UTP20: variants seen among roughly 807,000 people sequenced by gnomAD.
UTP20 encodes the protein small subunit processome component 20 homolog.
UTP20 carries 164 observed loss-of-function variants against 329.5 expected under a neutral mutation model. The observed-to-expected ratio is 0.50, with a 90% CI of 0.44 to 0.57. The LOEUF (loss-of-function observed/expected upper bound fraction) is 0.57. Ranked by LOEUF, UTP20 falls within the 20% of genes least tolerant of loss-of-function variation. UTP20 has a pLI of 0.00. For synonymous variants in UTP20, 1,151 were observed against 1,159.3 expected (o/e 0.99, Z 0.14); for missense variants, 3,055 against 3,284.2 (o/e 0.93, Z 1.71).
intron 1 of UTP20, 150 bp downstream of exon 1, chr12:101,280,477 A>G (rs1188843653): frequency 3.1e-6 from 3 of 982,264 alleles, no homozygotes; most frequent in South Asian, 1.6e-5. Context: ...CACTGGATGT[A>G]GTAAACATGG....
rs759340911 is a variant in UTP20 at position 101,329,333 on chromosome 12, C to T, written c.3301C>T (p.Leu1101Phe). Residue 1101 changes from leucine to phenylalanine, a missense_variant, in exon 27 of 62, where the codon CTT (leucine) becomes TTT (phenylalanine). By Grantham distance (22) the Leu-to-Phe change is conservative (BLOSUM62 0). This residue lies in a region of UTP20 where 2,445 missense variants were observed against 2,575.5 expected (regional missense o/e 0.95). Coordinates refer to ENST00000261637, the MANE Select transcript of UTP20 (RefSeq NM_014503.3). ...LGRQHGILNS[L>F]EIVLKNISHL... ...TCGTCAGCACGGTATCTTAAACAGC[C>T]TTGAGATAGTATTGAAAAACATTAG... 9.9e-6 allele frequency: 16 copies of T among 1,613,954 alleles called. No individual in the cohort carries two copies. The highest frequency in any genetic ancestry group is 3.3e-4 in the Middle Eastern group (2 of 6,082).
chr12:101,377,920 C>T (rs1412820954), intron 56 of UTP20, among the ~76,000 whole-genome samples: 1 of 152,260 alleles, frequency 6.6e-6, no homozygotes, highest in Non-Finnish European at 1.5e-5. Flanking sequence ...AGATCATGTT[C>T]ATGAAAATGT....
chr12:101,364,946 T>A (rs1443248815), intron 45 of UTP20, among the ~76,000 whole-genome samples: 1 of 152,166 alleles, frequency 6.6e-6, no homozygotes, highest in Non-Finnish European at 1.5e-5. Context: ...TTTCCTGAGG[T>A]TGCTGATCCT....
chr12:101,379,121 C>T (rs533212976), intron 56 of UTP20, among the ~76,000 whole-genome samples: 2 of 152,236 alleles, frequency 1.3e-5, no homozygotes, highest in South Asian at 2.1e-4. Context: ...TACAGTACAT[C>T]GTTGTTAACT....
intron 38 of UTP20, among the ~76,000 whole-genome samples, chr12:101,349,028 T>C (rs1331547769): frequency 6.6e-6 from 1 of 152,246 alleles, no homozygotes; most frequent in East Asian, 1.9e-4. Context: ...GTTTATTGTT[T>C]TGTTTTTGTT....
intron 37 of UTP20, 40 bp from the exon 38 acceptor site, chr12:101,346,411 G>A: frequency 6.4e-7 from 1 of 1,551,442 alleles, no homozygotes; most frequent in South Asian, 1.3e-5. Flanking sequence ...TTGTAGGTGA[G>A]ATTATTCGGT....
chr12:101,384,952 G>A (rs1870776717), intron 60 of UTP20, among the ~76,000 whole-genome samples: 1 of 152,168 alleles, frequency 6.6e-6, no homozygotes, highest in African/African-American at 2.4e-5. Context: ...AAGTTTTCAA[G>A]AAGCTTGTGA....
chr12:101,349,719 G>A (rs12581586), intron 38 of UTP20, among the ~76,000 whole-genome samples: 5,661 of 152,144 alleles, frequency 0.037, 201 homozygotes, highest in African/African-American at 0.097. Context: ...GGGATTACAG[G>A]GTTGAGCCAC....
At chr12:101,319,088 T>G (rs1466770299) in intron 22 of UTP20, among the ~76,000 whole-genome samples, 1 of 152,204 alleles carries the variant, frequency 6.6e-6, no homozygotes, top group Admixed American at 6.5e-5. Context: ...TCTTCCTTGT[T>G]GGTGAGCAAC....
chr12:101,340,181 G>A (rs1869072835), intron 31 of UTP20, among the ~76,000 whole-genome samples: 1 of 152,002 alleles, frequency 6.6e-6, no homozygotes, highest in Admixed American at 6.6e-5. Flanking sequence ...CTTAAGTCTT[G>A]GCACTTAAAA....
intron 3 of UTP20, 27 bp from the exon 4 acceptor site, chr12:101,285,722 G>A (rs751364181): frequency 2.0e-5 from 32 of 1,612,906 alleles, no homozygotes; most frequent in African/African-American, 8.0e-5. Flanking sequence ...TGATAGAAAA[G>A]AACATATTTT....
intron 43 of UTP20, among the ~76,000 whole-genome samples, chr12:101,360,349 T>C (rs1869871476): frequency 6.6e-6 from 1 of 152,170 alleles, no homozygotes; most frequent in Non-Finnish European, 1.5e-5. Context: ...AAAACCAGCA[T>C]GATAACATAG....
chr12:101,306,522 T>G (rs1872644765), intron 16 of UTP20, among the ~76,000 whole-genome samples, 177 bp from the exon 17 acceptor site: 1 of 152,232 alleles, frequency 6.6e-6, no homozygotes, highest in Non-Finnish European at 1.5e-5. Context: ...ATGTACTATT[T>G]TAACTAGGTG....
chr12:101,358,811 A>G (rs1458523059), intron 43 of UTP20, among the ~76,000 whole-genome samples: 1 of 152,198 alleles, frequency 6.6e-6, no homozygotes, highest in African/African-American at 2.4e-5. Flanking sequence ...ACCCATAAAC[A>G]TAGAAACCCA....
At position 101,295,498 on chromosome 12, in the gene UTP20, C is replaced by T; in HGVS notation, c.1270C>T (p.Leu424=). Residue 424 remains leucine, a synonymous_variant, in exon 12 of 62, where the codon CTG becomes TTG. Coordinates refer to ENST00000261637, the MANE Select transcript of UTP20 (RefSeq NM_014503.3). ...ACTTTAGCTTTTTCTACCAAGCTTT[C>T]TGTCATATATTGTGAATTGCTTCTT... ...QFEQLFLPSF[L]SYIVNCFLID... is the part of the protein sequence containing the mutation. 1.9e-6 allele frequency: 3 copies of T among 1,583,346 alleles called. No individual in the cohort carries two copies. Among genetic ancestry groups the T allele is most frequent in the South Asian group, 2.3e-5 (2 of 86,512 alleles).
chr12:101,327,289 G>C, intron 26 of UTP20, 42 bp downstream of exon 26: 1 of 1,492,544 alleles, frequency 6.7e-7, no homozygotes, highest in Non-Finnish European at 9.0e-7. Flanking sequence ...TGTTGTCTGC[G>C]GTGGACTTCT....
chr12:101,344,704 G>A lies in UTP20; in HGVS notation c.4559G>A (p.Arg1520His), dbSNP rs117417637. 592 of 1,613,612 alleles carry A rather than the reference G, an allele frequency of 3.7e-4. 9 individuals are homozygous for A. In the East Asian group the frequency reaches 0.013, roughly 35 times the overall value. Residue 1520 changes from arginine to histidine, a missense_variant, in exon 36 of 62, where the codon CGT (arginine) becomes CAT (histidine). Transcript: ENST00000261637. ...AAAGACTATAGAGAAATCATCCACC[G>A]TTCACTCCTGGAGAAATTGAGAAAA... ...TEKDYREIIH[R>H]SLLEKLRKGL...
At chr12:101,324,175 T>C (rs1003326215) in intron 25 of UTP20, among the ~76,000 whole-genome samples, 26 of 151,536 alleles carry the variant, frequency 1.7e-4, no homozygotes, top group Admixed American at 1.1e-3. Flanking sequence ...AATAATAATT[T>C]TTTTAAAAAA....
In UTP20 at chr12:101,290,723, A is replaced by G. The variant is rs1872114594; in HGVS notation, c.736-10A>G. 3 of 1,600,328 alleles carry G rather than the reference A, an allele frequency of 1.9e-6. No homozygotes were observed. The highest frequency in any genetic ancestry group is 1.4e-5 in the African/African-American group (1 of 74,004). On this transcript the variant is annotated splice_polypyrimidine_tract_variant and intron_variant, in intron 7 of 61. Coordinates refer to ENST00000261637, the MANE Select transcript of UTP20 (RefSeq NM_014503.3). ...TTATATATTAATGTTAATGACTTGT[A>G]TTCCCACAGGCAGTGAAGCTAATTT...
Sources: gnomAD v4.1 joint callset for allele counts (sites outside exome capture counted in the v4.1 genomes callset) on GRCh38, gnomAD v4.1.1 for gene constraint, gnomAD v4.1.1 regional missense constraint, MANE v1.5 for transcripts, NCBI Gene and HGNC (gene_info 2026-07-23, HGNC 2026-07-21) for gene names.